The following RAD51B variants were observed in gnomAD, a reference collection of about 807,000 sequenced individuals.
RAD51B encodes the protein DNA repair protein RAD51 homolog 2.
A neutral mutation model predicts 42.2 loss-of-function variants in RAD51B; 38 were observed. That is an observed-to-expected ratio of 0.90 (90% CI 0.70 to 1.18). The LOEUF (loss-of-function observed/expected upper bound fraction) is 1.18. Among genes scored for constraint, RAD51B ranks in the 50% most tolerant of loss-of-function variants. The pLI is 0.00. For synonymous variants in RAD51B, 154 were observed against 145.2 expected, an observed-to-expected ratio of 1.06 and a Z score of -0.43; for missense variants, 373 against 400.7, an observed-to-expected ratio of 0.93 and a Z score of 0.59.
intron 7 of RAD51B, among the ~76,000 whole-genome samples, chr14:68,082,733 G>C (rs562332910): frequency 6.6e-5 from 10 of 152,038 alleles, no homozygotes; most frequent in South Asian, 2.1e-4. Context: ...GGTCCTTACT[G>C]ATGGACATTT....
intron 10 of RAD51B, among the ~76,000 whole-genome samples, chr14:68,641,261 A>G (rs976255270): frequency 6.6e-6 from 1 of 152,132 alleles, no homozygotes. Context: ...CCAATTGTTC[A>G]CTGTTGGTAT....
At chr14:67,826,392 T>C (rs2040834137) in intron 3 of RAD51B, among the ~76,000 whole-genome samples, 1 of 152,212 alleles carries the variant, frequency 6.6e-6, no homozygotes, top group Non-Finnish European at 1.5e-5. Flanking sequence ...AAATTGTACA[T>C]TTTTTCAGAC....
At chr14:67,906,910 A>C (rs2043798066) in intron 7 of RAD51B, among the ~76,000 whole-genome samples, 1 of 151,880 alleles carries the variant, frequency 6.6e-6, no homozygotes, top group African/African-American at 2.4e-5. Context: ...CCTGGGTTCA[A>C]GCGATTCTCC....
intron 10 of RAD51B, among the ~76,000 whole-genome samples, chr14:68,583,431 C>T (rs3891134): frequency 6.6e-6 from 1 of 152,168 alleles, no homozygotes; most frequent in South Asian, 2.1e-4. Flanking sequence ...TTTCATATGT[C>T]CAAATATTTG....
At chr14:67,830,843 G>A (rs1292324586) in intron 3 of RAD51B, among the ~76,000 whole-genome samples, 2 of 151,944 alleles carry the variant, frequency 1.3e-5, no homozygotes, top group East Asian at 1.9e-4. Context: ...TGGAAGAGGA[G>A]CAGGTTTGAG....
At chr14:68,604,302 GA>G (rs1891352310) in intron 10 of RAD51B, among the ~76,000 whole-genome samples, 1 of 152,162 alleles carries the variant, frequency 6.6e-6, no homozygotes, top group African/African-American at 2.4e-5. Context: ...CTTCCTTCTG[GA>G]AAGGGTCCTA....
intron 7 of RAD51B, among the ~76,000 whole-genome samples, chr14:68,071,151 A>G (rs1437537388): frequency 6.6e-6 from 1 of 152,032 alleles, no homozygotes; most frequent in African/African-American, 2.4e-5. Flanking sequence ...TATTTATCAG[A>G]TCTAGGAGCC....
chr14:68,082,490 T>C (rs2076926710), intron 7 of RAD51B, among the ~76,000 whole-genome samples: 1 of 149,530 alleles, frequency 6.7e-6, no homozygotes, highest in Admixed American at 6.7e-5. Flanking sequence ...TATATATATG[T>C]ATTTATGTAT....
At chr14:67,950,622 A>AT (rs1019623901) in intron 7 of RAD51B, among the ~76,000 whole-genome samples, 1 of 152,058 alleles carries the variant, frequency 6.6e-6, no homozygotes, top group Non-Finnish European at 1.5e-5. Context: ...TCCTTCAAGA[A>AT]TTTTTTTGTT....
intron 8 of RAD51B, among the ~76,000 whole-genome samples, chr14:68,361,147 G>T (rs2083017170): frequency 6.6e-6 from 1 of 152,186 alleles, no homozygotes; most frequent in Non-Finnish European, 1.5e-5. Context: ...GCAGGAGAAG[G>T]TCAGAGAAAG....
At chr14:68,563,422 A>G (rs1314995668) in intron 10 of RAD51B, 1 of 985,304 alleles carries the variant, frequency 1.0e-6, no homozygotes, top group African/African-American at 1.7e-5. Context: ...CCAGTTATTT[A>G]CCCAAAGAAA....
intron 8 of RAD51B, among the ~76,000 whole-genome samples, chr14:68,335,469 T>C (rs925831642): frequency 2.0e-5 from 3 of 152,192 alleles, no homozygotes; most frequent in African/African-American, 7.2e-5. Context: ...ATTTGCATCT[T>C]TGCAGTCCCT....
chr14:68,586,171 G>C (rs72729533), intron 10 of RAD51B, among the ~76,000 whole-genome samples: 17,389 of 152,118 alleles, frequency 0.11, 1,148 homozygotes, highest in Middle Eastern at 0.23. Context: ...GCAGAGCTGC[G>C]ATAGTCCTGT....
intron 7 of RAD51B, among the ~76,000 whole-genome samples, chr14:67,988,542 G>A (rs981877845): frequency 5.9e-5 from 9 of 151,772 alleles, no homozygotes; most frequent in African/African-American, 1.2e-4. Flanking sequence ...TCCAGGATCA[G>A]GTGTAATAGG....
chr14:67,928,198 A>G (rs574651577), intron 7 of RAD51B, among the ~76,000 whole-genome samples: 4 of 151,956 alleles, frequency 2.6e-5, no homozygotes, highest in African/African-American at 9.7e-5. Flanking sequence ...CAGGTTTTCT[A>G]TTTTTCCTGA....
Position 68,618,921 on chromosome 14 carries a change from T to C in RAD51B, c.1037-31860T>C, listed in dbSNP as rs181635341. ...CTGCTTCACAGGCTAACCCAAGTCT[T>C]TTCCTCTAGGTCTTAGCCACAGATA... On this transcript the variant is annotated intron_variant, in intron 10 of 11. Coordinates refer to the RAD51B transcript ENST00000488612. Among the ~76,000 whole-genome samples the C allele has an allele frequency of 2.9e-3, 441 of 152,284 alleles. 2 individuals are homozygous for C. Among genetic ancestry groups the C allele is most frequent in the Middle Eastern group, 6.8e-3 (2 of 294 alleles).
chr14:68,279,102 A>G (rs1448223084), intron 7 of RAD51B, among the ~76,000 whole-genome samples: 1 of 152,152 alleles, frequency 6.6e-6, no homozygotes, highest in African/African-American at 2.4e-5. Context: ...ACCAACAAGG[A>G]GTTGAGACCA....
At chr14:68,431,078 G>T (rs1331640265) in intron 9 of RAD51B, among the ~76,000 whole-genome samples, 2 of 152,136 alleles carry the variant, frequency 1.3e-5, no homozygotes, top group African/African-American at 4.8e-5. Flanking sequence ...TGTTGAACCA[G>T]CCTTGCATCC....
intron 10 of RAD51B, among the ~76,000 whole-genome samples, chr14:68,538,943 TC>T (rs1370860993): frequency 6.6e-6 from 1 of 152,226 alleles, no homozygotes; most frequent in African/African-American, 2.4e-5. Flanking sequence ...TTTAGATATG[TC>T]CTTTCTGTAT....
Sources: gnomAD v4.1 joint callset for allele counts (sites outside exome capture counted in the v4.1 genomes callset) on GRCh38, gnomAD v4.1.1 for gene constraint, MANE v1.5 for transcripts, NCBI Gene and HGNC (gene_info 2026-07-23, HGNC 2026-07-21) for gene names.